Variants in EPS8 observed in about 807,000 individuals in gnomAD.
EPS8 encodes epidermal growth factor receptor kinase substrate 8.
EPS8 carries 42 observed loss-of-function variants against 103.8 expected under a neutral mutation model. That is an observed-to-expected ratio of 0.40 (90% CI 0.32 to 0.52). EPS8 has a LOEUF of 0.52. Ranked by LOEUF, EPS8 falls within the 20% of genes least tolerant of loss-of-function variation. The probability of loss-of-function intolerance (pLI) is 0.40; values close to 1 mark genes in which losing one functional copy is unlikely to be tolerated. For synonymous variants in EPS8, 344 were observed against 344.6 expected (o/e 1.00, Z 0.02); for missense variants, 969 against 1,005.1 (o/e 0.96, Z 0.49).
In EPS8 at chr12:15,751,723, G is replaced by C. The variant is rs1007593180; in HGVS notation, c.-22+37438C>G. 6.6e-6 allele frequency among the ~76,000 whole-genome samples: 1 copy of C among 151,906 alleles called. No homozygotes were observed. The highest frequency in any genetic ancestry group is 1.5e-5 in the Non-Finnish European group (1 of 67,982). ...TTTTATGCTATGTTCATGCCATTTC[G>C]CTCTCTCCTCCCTCCCTCCTCTATA... On this transcript the variant is annotated intron_variant, in intron 1 of 20. Transcript: ENST00000281172. This position sits in a 1 kb window ranked among gnomAD's most constrained non-coding sequence, Gnocchi z 4.3.
At chr12:15,689,093 T>A (rs531805297) in intron 1 of EPS8, among the ~76,000 whole-genome samples, 1 of 151,730 alleles carries the variant, frequency 6.6e-6, no homozygotes, top group African/African-American at 2.4e-5. Context: ...GAAGCTAAAA[T>A]TAGAAGCAGA....
chr12:15,624,516 G>T, intron 18 of EPS8, 109 bp from the exon 19 acceptor site: 1 of 723,872 alleles, frequency 1.4e-6, no homozygotes, highest in Non-Finnish European at 2.2e-6. Context: ...CTACAGTCTA[G>T]TGTTCCTACC....
At chr12:15,718,776 TG>T (rs1446349458) in intron 1 of EPS8, among the ~76,000 whole-genome samples, 1 of 152,132 alleles carries the variant, frequency 6.6e-6, no homozygotes, top group Non-Finnish European at 1.5e-5. Flanking sequence ...CCTCAAAGCC[TG>T]TCCTTTCCAC....
Position 15,684,222 on chromosome 12 carries a change from G to C in EPS8, c.-21-1250C>G, listed in dbSNP as rs1270894449. 1 of 152,146 alleles carries C rather than the reference G, an allele frequency of 6.6e-6. No individual in the cohort carries two copies. The highest frequency in any genetic ancestry group is 1.5e-5 in the Non-Finnish European group (1 of 68,030). The allele number at this position is 152,146 out of a possible 1,614,324, so 9.4% of individuals were successfully genotyped here. ...ATAAAGAAATAATATTCAAGATCTGGTCACTTCGAGTTAATTCTGTCTCAT... is the reference window on the plus strand; with the variant it reads ...ATAAAGAAATAATATTCAAGATCTGCTCACTTCGAGTTAATTCTGTCTCAT... On this transcript the variant is annotated intron_variant, in intron 1 of 20. Transcript: ENST00000281172. The surrounding 1 kb of genome is among the most constrained non-coding windows in gnomAD (Gnocchi z 4.9).
chr12:15,642,357 CA>C (rs547368775), intron 15 of EPS8, among the ~76,000 whole-genome samples: 4 of 150,432 alleles, frequency 2.7e-5, no homozygotes, highest in African/African-American at 4.9e-5. Flanking sequence ...ATCTAAATTG[CA>C]AAAAAAAGAG....
rs898662478 is a variant in EPS8, at chr12:15,785,354, C to A, written c.-22+3807G>T. ...CCCATGGGAGCACAGGTTAACAATT[C>A]CAATGCTGCTATACATCTATGATAG... On this transcript the variant is annotated intron_variant, in intron 1 of 20. Coordinates refer to ENST00000281172, the MANE Select transcript of EPS8 (RefSeq NM_004447.6). The surrounding 1 kb of genome is among the most constrained non-coding windows in gnomAD (Gnocchi z 4.9). Among the ~76,000 whole-genome samples, 1 of 152,062 alleles carries A rather than the reference C, an allele frequency of 6.6e-6. No individual in the cohort carries two copies. Among genetic ancestry groups the A allele is most frequent in the Admixed American group, 6.5e-5 (1 of 15,276 alleles).
At chr12:15,653,944 T>A (rs1284619074) in intron 13 of EPS8, among the ~76,000 whole-genome samples, 1 of 152,240 alleles carries the variant, frequency 6.6e-6, no homozygotes, top group East Asian at 1.9e-4. Context: ...ATTTTGTTTA[T>A]GACTCACTCC....
chr12:15,654,331 A>G (rs1183692833), intron 12 of EPS8, 38 bp from the exon 13 acceptor site: 3 of 1,591,358 alleles, frequency 1.9e-6, no homozygotes, highest in South Asian at 1.1e-5. Context: ...GAAGATTACT[A>G]TTCTTTGTGT....
At chr12:15,782,979 T>G (rs1183132515) in intron 1 of EPS8, among the ~76,000 whole-genome samples, 2 of 152,224 alleles carry the variant, frequency 1.3e-5, no homozygotes, top group Non-Finnish European at 2.9e-5. Context: ...TTCATCCTGT[T>G]TGGTACAATA....
intron 1 of EPS8, among the ~76,000 whole-genome samples, chr12:15,730,731 T>G (rs1280129708): frequency 6.6e-6 from 1 of 152,192 alleles, no homozygotes; most frequent in Non-Finnish European, 1.5e-5. Context: ...TACATTGTTA[T>G]CAGTATCGAC....
chr12:15,758,143 C>T (rs1947006678), intron 1 of EPS8, among the ~76,000 whole-genome samples: 1 of 152,154 alleles, frequency 6.6e-6, no homozygotes, highest in South Asian at 2.1e-4. Flanking sequence ...TACCTTACTT[C>T]ATTGGTCACC....
intron 17 of EPS8, among the ~76,000 whole-genome samples, chr12:15,635,161 G>A (rs890778243): frequency 1.3e-4 from 20 of 152,122 alleles, no homozygotes; most frequent in African/African-American, 3.4e-4. Flanking sequence ...ATGCATTATC[G>A]TGTGATTGTA....
intron 3 of EPS8, among the ~76,000 whole-genome samples, chr12:15,676,226 C>T (rs930884230): frequency 2.8e-5 from 4 of 144,588 alleles, no homozygotes; most frequent in Non-Finnish European, 6.0e-5. Flanking sequence ...CGCCACTGCA[C>T]TCCAGCCTGG....
rs571050003 is a variant in EPS8, at chr12:15,682,879, A to G, written c.59+14T>C. On this transcript the variant is annotated intron_variant, in intron 2 of 20. Transcript: ENST00000281172. ...TTCCCCCAAAACATATTAAATATAA[A>G]CTTTTCAACTTACTTCATCTGAGAT... The G allele has an allele frequency of 7.6e-5, 103 of 1,360,150 alleles. 1 individual carries two copies. The South Asian group carries it at 1.2e-3, about 16-fold the overall frequency. The allele number at this position is 1,360,150 out of a possible 1,614,324, so 84.3% of individuals were successfully genotyped here.
chr12:15,632,690 G>T (rs2135733911), intron 17 of EPS8, among the ~76,000 whole-genome samples: 1 of 152,174 alleles, frequency 6.6e-6, no homozygotes, highest in East Asian at 1.9e-4. Flanking sequence ...TTCTAAAATG[G>T]CCCAAATATC....
chr12:15,697,156 T>C lies in EPS8; in HGVS notation c.-21-14184A>G, dbSNP rs1946254241. Among the ~76,000 whole-genome samples, 1 of 152,070 alleles carries C rather than the reference T, an allele frequency of 6.6e-6. No individual in the cohort carries two copies. Among genetic ancestry groups the C allele is most frequent in the African/African-American group, 2.4e-5 (1 of 41,404 alleles). ...ACAAGCACAAACTGATTTGGGAAAA[T>C]GGCCTATAGACTGAAGAAGGGAAAA... On this transcript the variant is annotated intron_variant, in intron 1 of 20. Transcript: ENST00000281172. This position sits in a 1 kb window ranked among gnomAD's most constrained non-coding sequence, Gnocchi z 5.6.
In EPS8 at chr12:15,776,315, T is replaced by TA. The variant is rs1320662663; in HGVS notation, c.-22+12845dup. On this transcript the variant is annotated intron_variant, in intron 1 of 20. Transcript: ENST00000281172. This position sits in a 1 kb window ranked among gnomAD's most constrained non-coding sequence, Gnocchi z 4.2. ...CTGGCTGAACTAGTTTATCTAGCCT[T>TA]AAAAGTTAAGCCATGTTCTCAAGTC... Among the ~76,000 whole-genome samples the TA allele has an allele frequency of 6.6e-6, 1 of 152,110 alleles. No individual in the cohort carries two copies. Among genetic ancestry groups the TA allele is most frequent in the African/African-American group, 2.4e-5 (1 of 41,406 alleles).
At chr12:15,636,662 G>T (rs1055851517) in intron 17 of EPS8, among the ~76,000 whole-genome samples, 6 of 152,208 alleles carry the variant, frequency 3.9e-5, no homozygotes, top group African/African-American at 9.6e-5. Flanking sequence ...AAATGTAAGG[G>T]TATAAAAATA....
chr12:15,651,860 T>C (rs960189733), intron 13 of EPS8, among the ~76,000 whole-genome samples: 1 of 152,190 alleles, frequency 6.6e-6, no homozygotes, highest in African/African-American at 2.4e-5. Context: ...CCTAATACTC[T>C]TAACAATCAG....
Sources: gnomAD v4.1 joint callset for allele counts (sites outside exome capture counted in the v4.1 genomes callset) on GRCh38, gnomAD v4.1.1 for gene constraint, Gnocchi (gnomAD v3.1) non-coding constraint, MANE v1.5 for transcripts, NCBI Gene and HGNC (gene_info 2026-07-23, HGNC 2026-07-21) for gene names.